Variants in KPNA3 observed in about 807,000 individuals in gnomAD.
KPNA3 encodes importin subunit alpha-4.
Under a neutral mutation model 73.8 loss-of-function variants are expected in KPNA3, and 13 were observed. The observed-to-expected ratio is 0.18, with a 90% CI of 0.11 to 0.28. KPNA3 has a LOEUF of 0.28. Ranked by LOEUF, KPNA3 falls within the 10% of genes least tolerant of loss-of-function variation. KPNA3 has a pLI of 1.00. For missense variants in KPNA3, 360 were observed against 618.1 expected (o/e 0.58, Z 4.43); for synonymous variants, 186 against 206.9 (o/e 0.90, Z 0.87).
intron 7 of KPNA3, among the ~76,000 whole-genome samples, chr13:49,725,067 C>A (rs933941004): frequency 6.6e-6 from 1 of 152,128 alleles, no homozygotes; most frequent in African/African-American, 2.4e-5. Context: ...TGTCATTTAA[C>A]AATAATTATT....
intron 1 of KPNA3, among the ~76,000 whole-genome samples, chr13:49,759,999 A>C (rs61577857): frequency 1.1e-4 from 16 of 152,328 alleles, no homozygotes; most frequent in African/African-American, 3.9e-4. Flanking sequence ...ATGGAAGAGA[A>C]AACCATCACA....
rs1189910469 is a variant in KPNA3, at chr13:49,700,704, A to G, written c.*1096T>C. 1 of 152,692 alleles carries G rather than the reference A, an allele frequency of 6.5e-6. No individual in the cohort carries two copies. 9.5% of individuals were successfully genotyped at this position (152,692 alleles called of 1,614,324 possible). A position where few individuals can be genotyped will look rare whatever the true frequency, so the allele number is the denominator to read the frequency against. ...TTGCTGGTTTGTTGCCAACCACATTATCAAAAGCACTGGTTACTAAGTAAA... is the reference window on the plus strand; with the variant it reads ...TTGCTGGTTTGTTGCCAACCACATTGTCAAAAGCACTGGTTACTAAGTAAA... On this transcript the variant is annotated 3_prime_UTR_variant, in exon 17 of 17. Transcript: ENST00000261667.
In KPNA3 at chr13:49,752,357, C is replaced by T. The variant is rs111468175; in HGVS notation, c.70-5364G>A. ...TGAAACTAGAAAGGCTACTCTGACC[C>T]ACTTCTTGCTCTTAAAAGTTCAGGA... On this transcript the variant is annotated intron_variant, in intron 1 of 16. Transcript: ENST00000261667. Among the ~76,000 whole-genome samples the T allele has an allele frequency of 8.9e-3, 1,349 of 152,182 alleles. 19 individuals carry two copies. Among genetic ancestry groups the T allele is most frequent in the African/African-American group, 0.031 (1,296 of 41,534 alleles).
At position 49,713,363 on chromosome 13, in the gene KPNA3, C is replaced by A. The variant is rs370025234; in HGVS notation, c.772-2341G>T. Among the ~76,000 whole-genome samples the A allele has an allele frequency of 3.4e-5, 5 of 146,446 alleles. No homozygotes were observed. In the South Asian group the frequency reaches 1.1e-3, roughly 32 times the overall value. On this transcript the variant is annotated intron_variant, in intron 10 of 16. Transcript: ENST00000261667. ...ACTAATAATAGGAGGTTTTAACATA[C>A]TACTGTCATATGAGGGAAGTCAAAT...
At chr13:49,773,228 G>A (rs544301730) in intron 1 of KPNA3, among the ~76,000 whole-genome samples, 23 of 152,310 alleles carry the variant, frequency 1.5e-4, no homozygotes, top group African/African-American at 5.3e-4. Flanking sequence ...AGGGGTTACT[G>A]CAAAGGGATA....
Position 49,701,844 on chromosome 13 carries a change from AAT to A in KPNA3, c.1520_1521del (p.Asn507IlefsTer2), listed in dbSNP as rs1381120767. On this transcript the variant is annotated frameshift_variant, in exon 17 of 17. Transcript: ENST00000261667. LOFTEE classifies it high-confidence loss of function. Reference protein sequence around the residue: ...IPEATQGGTYNFDPTANLQTK... With the variant: ...IPEATQGGTYXFDPTANLQTK... ...GTTTGAAGGTTGGCTGTTGGATCAA[AAT>A]TGTAGGTACCTCCTTGTGTTGCTTC... 1 of 1,613,674 alleles carries A rather than the reference AAT, an allele frequency of 6.2e-7. No homozygotes were observed. Among genetic ancestry groups the A allele is most frequent in the Non-Finnish European group, 8.5e-7 (1 of 1,179,596 alleles).
intron 15 of KPNA3, 90 bp from the exon 16 acceptor site, chr13:49,702,570 A>C: frequency 1.5e-6 from 1 of 662,120 alleles, no homozygotes. Flanking sequence ...GAGAAATCCT[A>C]AGGAACTCAG....
At chr13:49,714,807 T>C (rs766142670) in intron 10 of KPNA3, among the ~76,000 whole-genome samples, 4 of 152,034 alleles carry the variant, frequency 2.6e-5, no homozygotes, top group Non-Finnish European at 5.9e-5. Context: ...TTGTAATTAA[T>C]GTAAATTATT....
At chr13:49,792,164 C>G (rs1955039265) in intron 1 of KPNA3, among the ~76,000 whole-genome samples, 1 of 152,052 alleles carries the variant, frequency 6.6e-6, no homozygotes, top group African/African-American at 2.4e-5. Context: ...AGCTCCACAT[C>G]CCCTCCTCGC....
intron 15 of KPNA3, among the ~76,000 whole-genome samples, chr13:49,703,703 C>G (rs1954174156): frequency 6.6e-6 from 1 of 152,110 alleles, no homozygotes; most frequent in Non-Finnish European, 1.5e-5. Flanking sequence ...GAACAGATAT[C>G]ATAGAATGCC....
At chr13:49,741,125 T>C (rs1228868782) in intron 2 of KPNA3, among the ~76,000 whole-genome samples, 1 of 152,236 alleles carries the variant, frequency 6.6e-6, no homozygotes, top group Non-Finnish European at 1.5e-5. Context: ...CTCTTCAACA[T>C]ACTGGCTTCA....
At position 49,782,407 on chromosome 13, in the gene KPNA3, T is replaced by C. The variant is rs1854952151; in HGVS notation, c.69+10031A>G. On this transcript the variant is annotated intron_variant, in intron 1 of 16. Coordinates refer to ENST00000261667, the MANE Select transcript of KPNA3 (RefSeq NM_002267.4). ...AATTTCCCCAGGTACAATCACACTT[T>C]TTCTATACTCTTATAGTACTTTACA... Among the ~76,000 whole-genome samples the C allele has an allele frequency of 1.3e-5, 2 of 152,190 alleles. 1 individual carries two copies. Among genetic ancestry groups the C allele is most frequent in the South Asian group, 4.1e-4 (2 of 4,830 alleles).
At chr13:49,724,397 G>A (rs1387709858) in intron 7 of KPNA3, among the ~76,000 whole-genome samples, 1 of 150,042 alleles carries the variant, frequency 6.7e-6, no homozygotes, top group African/African-American at 2.5e-5. Context: ...TCCGCCTCCC[G>A]GGTTCACGCC....
intron 15 of KPNA3, among the ~76,000 whole-genome samples, chr13:49,704,576 C>T (rs1954188806): frequency 6.6e-6 from 1 of 151,636 alleles, no homozygotes; most frequent in South Asian, 2.1e-4. Flanking sequence ...ATAGAATATT[C>T]ATATAAAGTA....
chr13:49,758,679 A>T (rs1288852900), intron 1 of KPNA3, among the ~76,000 whole-genome samples: 2 of 152,198 alleles, frequency 1.3e-5, no homozygotes, highest in Non-Finnish European at 2.9e-5. Flanking sequence ...ATATCAATAT[A>T]TGCATTATAT....
At chr13:49,754,656 A>G (rs1954695311) in intron 1 of KPNA3, among the ~76,000 whole-genome samples, 2 of 152,120 alleles carry the variant, frequency 1.3e-5, no homozygotes, top group South Asian at 4.1e-4. Context: ...GGCCAAAAAA[A>G]AAGAGAAAAT....
At chr13:49,708,446 T>C (rs1406418851) in intron 12 of KPNA3, among the ~76,000 whole-genome samples, 1 of 152,200 alleles carries the variant, frequency 6.6e-6, no homozygotes, top group Non-Finnish European at 1.5e-5. Context: ...ACAGTGCAGC[T>C]GCAATGGAAA....
At chr13:49,733,292 T>TTTTTG (rs1555305173) in intron 2 of KPNA3, among the ~76,000 whole-genome samples, 2,392 of 146,296 alleles carry the variant, frequency 0.016, 51 homozygotes, top group Non-Finnish European at 0.027. Context: ...GTTTTTTTTT[T>TTTTTG]TTTTTTTTTT....
intron 1 of KPNA3, among the ~76,000 whole-genome samples, chr13:49,779,837 C>T (rs569985306): frequency 9.8e-4 from 149 of 152,228 alleles, no homozygotes; most frequent in Non-Finnish European, 1.9e-3. Flanking sequence ...TTCTCACTGG[C>T]CCCCAAAGAG....
Sources: allele counts gnomAD v4.1 joint callset (sites outside exome capture counted in the v4.1 genomes callset), GRCh38; gene constraint gnomAD v4.1.1; transcripts MANE v1.5; gene names NCBI Gene and HGNC (gene_info 2026-07-23, HGNC 2026-07-21).